The following PCDH7 variants were observed in gnomAD, a reference collection of about 807,000 sequenced individuals.
The protein encoded by PCDH7 is protocadherin-7.
A neutral mutation model predicts 58.9 loss-of-function variants in PCDH7; 17 were observed. The observed-to-expected ratio is 0.29, with a 90% CI of 0.20 to 0.43. The LOEUF (loss-of-function observed/expected upper bound fraction) is 0.43, where lower values mean the gene tolerates loss of function less well. PCDH7 is among the 20% of genes least tolerant of loss of function. PCDH7 has a pLI of 1.00. For synonymous variants in PCDH7, 664 were observed against 616.4 expected, an observed-to-expected ratio of 1.08 and a Z score of -1.14; for missense variants, 1,274 against 1,441.0, an observed-to-expected ratio of 0.88 and a Z score of 1.88.
intron 1 of PCDH7, among the ~76,000 whole-genome samples, chr4:30,883,188 C>T (rs1038146479): frequency 5.3e-5 from 8 of 152,098 alleles, no homozygotes; most frequent in Admixed American, 6.5e-5. Flanking sequence ...GGAGGTAATT[C>T]GAGAGAAAGA....
intron 1 of PCDH7, among the ~76,000 whole-genome samples, chr4:30,889,369 T>G (rs1367565922): frequency 6.6e-6 from 1 of 151,978 alleles, no homozygotes; most frequent in African/African-American, 2.4e-5. Context: ...TTATCCTTAT[T>G]ATTATAAGCT....
chr4:30,942,470 A>G (rs547979577), intron 2 of PCDH7, among the ~76,000 whole-genome samples: 1 of 152,056 alleles, frequency 6.6e-6, no homozygotes, highest in Non-Finnish European at 1.5e-5. Flanking sequence ...ACTAAGGTAC[A>G]TCAGTGGAAA....
intron 1 of PCDH7, among the ~76,000 whole-genome samples, chr4:30,871,458 T>C (rs1735575572): frequency 6.6e-6 from 1 of 152,062 alleles, no homozygotes. Flanking sequence ...TCCAATAATA[T>C]TCTGTTGGTG....
chr4:31,127,215 G>C (rs143078113), intron 3 of PCDH7, among the ~76,000 whole-genome samples: 266 of 152,270 alleles, frequency 1.7e-3, no homozygotes, highest in African/African-American at 5.8e-3. Flanking sequence ...ATTTTGCCAT[G>C]ATTATCTATG....
intron 3 of PCDH7, among the ~76,000 whole-genome samples, chr4:30,996,703 T>C (rs537053888): frequency 6.6e-6 from 1 of 152,352 alleles, no homozygotes; most frequent in East Asian, 1.9e-4. Context: ...TGATTAGACA[T>C]ATTTCACCAT....
At chr4:31,121,237 T>C (rs1717657639) in intron 3 of PCDH7, among the ~76,000 whole-genome samples, 1 of 152,170 alleles carries the variant, frequency 6.6e-6, no homozygotes, top group Non-Finnish European at 1.5e-5. Flanking sequence ...TTGATTTAGG[T>C]TGAATACAAT....
chr4:30,812,475 T>C (rs1415178368), intron 1 of PCDH7, among the ~76,000 whole-genome samples: 1 of 152,214 alleles, frequency 6.6e-6, no homozygotes, highest in Non-Finnish European at 1.5e-5. Flanking sequence ...TGTATGAAAG[T>C]GTTTAGTCAT....
chr4:30,997,608 G>T (rs1373289987), intron 3 of PCDH7, among the ~76,000 whole-genome samples: 1 of 152,092 alleles, frequency 6.6e-6, no homozygotes, highest in Non-Finnish European at 1.5e-5. Context: ...AGAAATAAAT[G>T]TGTGTTGATT....
At chr4:31,043,888 G>A (rs1756082644) in intron 3 of PCDH7, among the ~76,000 whole-genome samples, 1 of 152,142 alleles carries the variant, frequency 6.6e-6, no homozygotes, top group African/African-American at 2.4e-5. Flanking sequence ...AAGCCTTCAA[G>A]GCAATTGCTT....
chr4:31,070,372 T>C (rs1435442732), intron 3 of PCDH7, among the ~76,000 whole-genome samples: 1 of 152,066 alleles, frequency 6.6e-6, no homozygotes, highest in Non-Finnish European at 1.5e-5. Context: ...GGCTGGGTAA[T>C]GTTTTTAGCA....
At chr4:31,000,220 G>A (rs78663868) in intron 3 of PCDH7, among the ~76,000 whole-genome samples, 1 of 152,094 alleles carries the variant, frequency 6.6e-6, no homozygotes, top group Non-Finnish European at 1.5e-5. Flanking sequence ...GAAATCAGTA[G>A]TAGGGTTTTG....
At chr4:30,838,069 C>T (rs77961193) in intron 1 of PCDH7, among the ~76,000 whole-genome samples, 2 of 151,784 alleles carry the variant, frequency 1.3e-5, no homozygotes, top group Non-Finnish European at 2.9e-5. Flanking sequence ...GAGAGATAAT[C>T]GACTTCAGTT....
downstream of PCDH7, among the ~76,000 whole-genome samples, chr4:30,737,171 C>T (rs1333804176): frequency 2.6e-5 from 4 of 152,142 alleles, no homozygotes; most frequent in African/African-American, 9.7e-5. Context: ...CTGGAAACTC[C>T]TCTTCTGTCA....
At chr4:31,083,311 T>C (rs937496361) in intron 3 of PCDH7, among the ~76,000 whole-genome samples, 1 of 152,126 alleles carries the variant, frequency 6.6e-6, no homozygotes, top group Non-Finnish European at 1.5e-5. Flanking sequence ...TAAAACATCA[T>C]AATAAGAATA....
chr4:31,126,233 C>T (rs1197844538), intron 3 of PCDH7, among the ~76,000 whole-genome samples: 2 of 151,088 alleles, frequency 1.3e-5, no homozygotes, highest in East Asian at 2.0e-4. Flanking sequence ...AAGAGATTCT[C>T]ATGCCCCTGC....
chr4:31,119,893 C>G (rs1458686949), intron 3 of PCDH7, among the ~76,000 whole-genome samples: 1 of 151,982 alleles, frequency 6.6e-6, no homozygotes, highest in Non-Finnish European at 1.5e-5. Context: ...TGTGTGTGGG[C>G]CCACTCGCCT....
At chr4:31,049,211 C>A (rs948469635) in intron 3 of PCDH7, among the ~76,000 whole-genome samples, 2 of 152,036 alleles carry the variant, frequency 1.3e-5, no homozygotes, top group Non-Finnish European at 2.9e-5. Context: ...CATGTGCTCT[C>A]ATTGTTCAAT....
At chr4:30,751,993 T>G (rs1179344967) in intron 1 of PCDH7, among the ~76,000 whole-genome samples, 1 of 152,168 alleles carries the variant, frequency 6.6e-6, no homozygotes, top group Non-Finnish European at 1.5e-5. Flanking sequence ...GAATAAGATT[T>G]TTTCTCTAAA....
intron 1 of PCDH7, among the ~76,000 whole-genome samples, chr4:30,741,107 A>G (rs1717013637): frequency 6.6e-6 from 1 of 152,156 alleles, no homozygotes; most frequent in Admixed American, 6.5e-5. Flanking sequence ...TCGGTTATAT[A>G]ATGTTTTTAA....
Sources: allele counts gnomAD v4.1 joint callset (sites outside exome capture counted in the v4.1 genomes callset), GRCh38; gene constraint gnomAD v4.1.1; transcripts MANE v1.5; gene names NCBI Gene and HGNC (gene_info 2026-07-23, HGNC 2026-07-21).